Variants in CCL19 observed in about 807,000 individuals in gnomAD.
CCL19 encodes the protein C-C motif chemokine ligand 19, also known as C-C motif chemokine 19.
In CCL19, 5 loss-of-function variants were observed where a neutral mutation model predicts 9.7. That is an observed-to-expected ratio of 0.51 (90% CI 0.27 to 1.08). CCL19 has a LOEUF of 1.08. Among genes scored for constraint, CCL19 ranks in the 50% least tolerant of loss-of-function variants. CCL19 has a pLI of 0.12. For missense variants in CCL19, 90 were observed against 122.5 expected (o/e 0.73, Z 1.25); for synonymous variants, 40 against 47.4 (o/e 0.84, Z 0.64).
rs779890654 is a variant in CCL19 at position 34,690,281 on chromosome 9, G to T, written c.111C>A (p.Pro37=). The change falls in exon 2 of 4, where the codon CCC becomes CCA. Residue 37 remains proline, a synonymous_variant. Coordinates refer to ENST00000311925, the MANE Select transcript of CCL19 (RefSeq NM_006274.3). ...AGTTCCTCACGATGTACCCAGGGAT[G>T]GGTTTCTGGGTCACAGACAGGCAGC... ...EDCCLSVTQK[P]IPGYIVRNFH... 5.0e-6 allele frequency: 8 copies of T among 1,613,748 alleles called. No individual in the cohort carries two copies. Among genetic ancestry groups the T allele is most frequent in the Non-Finnish European group, 6.8e-6 (8 of 1,179,666 alleles).
chr9:34,689,793 C>A lies in CCL19; in HGVS notation c.*26G>T. 1.2e-6 allele frequency: 2 copies of A among 1,614,024 alleles called. No homozygotes were observed. The highest frequency in any genetic ancestry group is 1.7e-6 in the Non-Finnish European group (2 of 1,179,960). On this transcript the variant is annotated 3_prime_UTR_variant, in exon 4 of 4. Transcript: ENST00000311925. This position sits in a 1 kb window ranked among gnomAD's most constrained non-coding sequence, Gnocchi z 4.1. Reference sequence around the variant, plus strand: ...TAATTCACAATGCTTGACTCGGACTCCGGGCTCCCTCTGCACGGTCATAGG... The same window carrying A: ...TAATTCACAATGCTTGACTCGGACTACGGGCTCCCTCTGCACGGTCATAGG...
chr9:34,691,069 C>G (rs1266517026), intron 1 of CCL19, 22 bp downstream of exon 1: 1 of 1,591,266 alleles, frequency 6.3e-7, no homozygotes, highest in Admixed American at 1.8e-5. Flanking sequence ...GCCTCTGACC[C>G]TGACTCTCCC....
Position 34,689,924 on chromosome 9 carries a change from G to A in CCL19, c.276+6C>T, listed in dbSNP as rs368870083. 2.6e-5 allele frequency: 42 copies of A among 1,614,118 alleles called. No homozygotes were observed. In the African/African-American group the frequency reaches 4.1e-4, roughly 16 times the overall value. ...AGGAGACAGGGCCAGGGAGGGCCAG[G>A]CTTGCCTTGGCTGAGGTCCTCTGCA... On this transcript the variant is annotated splice_donor_region_variant and intron_variant, in intron 3 of 3. Transcript: ENST00000311925. This position sits in a 1 kb window ranked among gnomAD's most constrained non-coding sequence, Gnocchi z 4.1.
Position 34,690,334 on chromosome 9 carries a change from G to C in CCL19, c.58C>G (p.Leu20Val). 1 of 1,613,926 alleles carries C rather than the reference G, an allele frequency of 6.2e-7. No individual in the cohort carries two copies. The highest frequency in any genetic ancestry group is 1.1e-5 in the South Asian group (1 of 91,048). The change falls in exon 2 of 4, where the codon CTG (leucine) becomes GTG (valine). Residue 20 changes from leucine to valine, a missense_variant. Leu to Val is a conservative substitution (Grantham distance 32). Transcript: ENST00000311925. ...LVLWTSPAPT[L>V]SGTNDAEDCC... ...TCTTCAGCATCATTGGTGCCACTCA[G>C]AGTTGGGGCTGGGATGGGGAAAGAA...
At chr9:34,690,372 C>T in intron 1 of CCL19, 30 bp from the exon 2 acceptor site, 1 of 1,609,686 alleles carries the variant, frequency 6.2e-7, no homozygotes, top group Non-Finnish European at 8.5e-7. Flanking sequence ...TGACAGGACA[C>T]AGGGACCCTT....
chr9:34,689,973 C>T lies in CCL19; in HGVS notation c.233G>A (p.Trp78Ter), dbSNP rs776419957. 3 of 1,614,102 alleles carry T rather than the reference C, an allele frequency of 1.9e-6. No homozygotes were observed. ...CAGTCTCTGGATGATGCGTTCTACC[C>T]AGGGCTGGTCTGGGGGTGCACAGAG... Reference protein sequence around the residue: ...RQLCAPPDQPWVERIIQRLQR... With the variant: ...RQLCAPPDQP Residue 78 changes from tryptophan (W) to a stop codon, truncating the protein, a stop_gained, in exon 3 of 4, where the codon TGG becomes TAG. Coordinates refer to ENST00000311925, the MANE Select transcript of CCL19 (RefSeq NM_006274.3). LOFTEE classifies it high-confidence loss of function. This position sits in a 1 kb window ranked among gnomAD's most constrained non-coding sequence, Gnocchi z 4.1.
In CCL19 at chr9:34,689,960, G is replaced by A. The variant is rs1821774770; in HGVS notation, c.246C>T (p.Ile82=). ...APPDQPWVER[I]IQRLQRTSAK... is the part of the protein sequence containing the mutation. ...CTGAGGTCCTCTGCAGTCTCTGGAT[G>A]ATGCGTTCTACCCAGGGCTGGTCTG... Residue 82 remains isoleucine, a synonymous_variant, in exon 3 of 4, where the codon ATC becomes ATT. Coordinates refer to ENST00000311925, the MANE Select transcript of CCL19 (RefSeq NM_006274.3). This position sits in a 1 kb window ranked among gnomAD's most constrained non-coding sequence, Gnocchi z 4.1. 1 of 1,614,158 alleles carries A rather than the reference G, an allele frequency of 6.2e-7. No individual in the cohort carries two copies.
chr9:34,690,420 A>T, intron 1 of CCL19, 78 bp from the exon 2 acceptor site: 1 of 1,117,344 alleles, frequency 8.9e-7, no homozygotes. Context: ...CGGATTGAGG[A>T]CACCTGTGTG....
intron 1 of CCL19, among the ~76,000 whole-genome samples, chr9:34,690,645 G>A (rs3176814): frequency 0.044 from 6,759 of 152,104 alleles, 228 homozygotes; most frequent in South Asian, 0.067. Context: ...CTCTCTCCCA[G>A]GACAATCCAG....
At position 34,689,662 on chromosome 9, in the gene CCL19, T is replaced by A; in HGVS notation, c.*157A>T. On this transcript the variant is annotated 3_prime_UTR_variant, in exon 4 of 4. Transcript: ENST00000311925. This position sits in a 1 kb window ranked among gnomAD's most constrained non-coding sequence, Gnocchi z 4.1. ...ACCACACTCACCCTCTCGCTCACACTCACACTCACACACACCCCAGGCCCT... is the reference window on the plus strand; with the variant it reads ...ACCACACTCACCCTCTCGCTCACACACACACTCACACACACCCCAGGCCCT... 1.3e-6 allele frequency: 1 copy of A among 792,046 alleles called. No homozygotes were observed. The highest frequency in any genetic ancestry group is 2.1e-6 in the Non-Finnish European group (1 of 474,086). 49.1% of individuals were successfully genotyped at this position (792,046 alleles called of 1,614,324 possible). A position where few individuals can be genotyped will look rare whatever the true frequency, so the allele number is the denominator to read the frequency against.
At position 34,689,857 on chromosome 9, in the gene CCL19, G is replaced by A. The variant is rs1422351808; in HGVS notation, c.277-18C>T. The A allele has an allele frequency of 6.2e-7, 1 of 1,614,190 alleles. No individual in the cohort carries two copies. Among genetic ancestry groups the A allele is most frequent in the East Asian group, 2.2e-5 (1 of 44,880 alleles). On this transcript the variant is annotated intron_variant, in intron 3 of 3. Coordinates refer to ENST00000311925, the MANE Select transcript of CCL19 (RefSeq NM_006274.3). This position sits in a 1 kb window ranked among gnomAD's most constrained non-coding sequence, Gnocchi z 4.1. ...CGCTTCATCTAGAGGAGGAAGGAGA[G>A]GAAGGATCATGGGCTGGAATCTTAG...
Position 34,689,906 on chromosome 9 carries a change from A to G in CCL19, c.276+24T>C. The G allele has an allele frequency of 1.2e-6, 2 of 1,613,902 alleles. No individual in the cohort carries two copies. The highest frequency in any genetic ancestry group is 2.2e-5 in the East Asian group (1 of 44,884). On this transcript the variant is annotated intron_variant, in intron 3 of 3. Transcript: ENST00000311925. This position sits in a 1 kb window ranked among gnomAD's most constrained non-coding sequence, Gnocchi z 4.1. ...AGACAGGAGCTCAGAGGGAGGAGAC[A>G]GGGCCAGGGAGGGCCAGGCTTGCCT...
At chr9:34,690,864 C>G (rs993893393) in intron 1 of CCL19, among the ~76,000 whole-genome samples, 2 of 152,196 alleles carry the variant, frequency 1.3e-5, no homozygotes, top group Non-Finnish European at 2.9e-5. Context: ...CCATAGGCCC[C>G]AGGATGTGCT....
chr9:34,690,795 T>C (rs1478438139), intron 1 of CCL19, among the ~76,000 whole-genome samples: 1 of 151,918 alleles, frequency 6.6e-6, no homozygotes, highest in African/African-American at 2.4e-5. Flanking sequence ...CTTAAGCAAA[T>C]CTCCTTCTGC....
chr9:34,690,138 G>A (rs965031712), intron 2 of CCL19, 72 bp downstream of exon 2: 1 of 1,594,340 alleles, frequency 6.3e-7, no homozygotes, highest in Non-Finnish European at 8.6e-7. Context: ...ATGGAGAAGG[G>A]GAATAAGAAG....
chr9:34,690,068 G>A, intron 2 of CCL19, 45 bp from the exon 3 acceptor site: 1 of 1,591,320 alleles, frequency 6.3e-7, no homozygotes, highest in Non-Finnish European at 8.6e-7. Context: ...AATCCAGCAT[G>A]CCTGGGGACC....
intron 1 of CCL19, among the ~76,000 whole-genome samples, chr9:34,690,750 A>G (rs1404810502): frequency 6.6e-6 from 1 of 152,002 alleles, no homozygotes; most frequent in East Asian, 1.9e-4. Context: ...ATTTTTGAAT[A>G]TCAGCCTTGG....
Position 34,689,892 on chromosome 9 carries a change from C to T in CCL19, c.276+38G>A. ...TGGGCTGGAATCTTAGACAGGAGCT[C>T]AGAGGGAGGAGACAGGGCCAGGGAG... On this transcript the variant is annotated intron_variant, in intron 3 of 3. Coordinates refer to ENST00000311925, the MANE Select transcript of CCL19 (RefSeq NM_006274.3). This position sits in a 1 kb window ranked among gnomAD's most constrained non-coding sequence, Gnocchi z 4.1. The T allele has an allele frequency of 6.2e-7, 1 of 1,614,086 alleles. No individual in the cohort carries two copies. The highest frequency in any genetic ancestry group is 8.5e-7 in the Non-Finnish European group (1 of 1,179,964).
chr9:34,690,753 A>G (rs1191470342), intron 1 of CCL19, among the ~76,000 whole-genome samples: 6 of 152,048 alleles, frequency 3.9e-5, no homozygotes, highest in Non-Finnish European at 7.4e-5. Context: ...TTTGAATATC[A>G]GCCTTGGCTT....
Sources: allele counts gnomAD v4.1 joint callset (sites outside exome capture counted in the v4.1 genomes callset), GRCh38; gene constraint gnomAD v4.1.1; non-coding constraint Gnocchi (gnomAD v3.1); transcripts MANE v1.5; gene names NCBI Gene and HGNC (gene_info 2026-07-23, HGNC 2026-07-21).